The following SLC39A10 variants were observed in gnomAD, a reference collection of about 807,000 sequenced individuals.
SLC39A10 encodes zinc transporter ZIP10.
Under a neutral mutation model 65.1 loss-of-function variants are expected in SLC39A10, and 13 were observed. The ratio of observed to expected loss-of-function variants is 0.20; its 90% confidence interval spans 0.13 to 0.32. The LOEUF is 0.32. Ranked by LOEUF, SLC39A10 falls within the 10% of genes least tolerant of loss-of-function variation. The pLI is 1.00. For missense variants in SLC39A10, 831 were observed against 1,018.4 expected (o/e 0.82, Z 2.50); for synonymous variants, 321 against 342.2 (o/e 0.94, Z 0.68).
intron 3 of SLC39A10, among the ~76,000 whole-genome samples, chr2:195,692,669 A>G (rs1267468669): frequency 1.3e-5 from 2 of 151,796 alleles, no homozygotes; most frequent in East Asian, 3.9e-4. Flanking sequence ...TAGCAGAGCT[A>G]CTGATTAATT....
intron 2 of SLC39A10, among the ~76,000 whole-genome samples, chr2:195,618,810 A>G (rs1688283502): frequency 6.6e-6 from 1 of 152,080 alleles, no homozygotes; most frequent in African/African-American, 2.4e-5. Flanking sequence ...GAAAGGAAAG[A>G]GGTCAGGTGC....
At position 195,641,906 on chromosome 2, in the gene SLC39A10, G is replaced by C. The variant is rs558615484; in HGVS notation, c.-12+35673G>C. ...GGGTTTTCACCATGTTGACCAGCCT[G>C]GTTTTGAACTCCTGACCTCAGATGG... On this transcript the variant is annotated intron_variant, in intron 2 of 2. Transcript: ENST00000458054. Among the ~76,000 whole-genome samples, 13 of 152,182 alleles carry C rather than the reference G, an allele frequency of 8.5e-5. No individual in the cohort carries two copies. In the East Asian group the frequency reaches 2.3e-3, roughly 27 times the overall value.
At position 195,680,331 on chromosome 2, in the gene SLC39A10, G is replaced by C; in HGVS notation, c.289G>C (p.Val97Leu). The change falls in exon 2 of 10, where the codon GTT becomes CTT. Residue 97 changes from valine to leucine, a missense_variant. Physicochemically the swap from Val to Leu is conservative, Grantham distance 32. This residue lies in a region of SLC39A10 where 446 missense variants were observed against 499.2 expected (regional missense o/e 0.89). Transcript: ENST00000359634. ...TNLGLGERKVVEINHEDLGHD... is the reference protein window; with the variant it reads ...TNLGLGERKVLEINHEDLGHD... ...CTTGGGCCTTGGAGAGAGAAAAGTA[G>C]TTGAGATTAATCATGAGGATCTTGG... The C allele has an allele frequency of 6.2e-7, 1 of 1,614,162 alleles. No individual in the cohort carries two copies. The highest frequency in any genetic ancestry group is 8.5e-7 in the Non-Finnish European group (1 of 1,180,028).
chr2:195,670,094 G>C (rs376088064), intron 1 of SLC39A10, among the ~76,000 whole-genome samples: 97 of 152,256 alleles, frequency 6.4e-4, no homozygotes, highest in African/African-American at 2.3e-3. Flanking sequence ...TGGAGCTGGA[G>C]GTTGCAGTGA....
intron 5 of SLC39A10, among the ~76,000 whole-genome samples, chr2:195,712,610 T>C (rs548675720): frequency 6.6e-6 from 1 of 152,220 alleles, no homozygotes; most frequent in Non-Finnish European, 1.5e-5. Flanking sequence ...TTTGCTTTCT[T>C]AAATTAGCAT....
chr2:195,735,107 C>G lies in SLC39A10; in HGVS notation c.*66C>G, dbSNP rs1692550223. On this transcript the variant is annotated 3_prime_UTR_variant, in exon 10 of 10. Coordinates refer to ENST00000359634, the MANE Select transcript of SLC39A10 (RefSeq NM_020342.3). ...TGCAGCTTTGCATCTGTTCCTTGTA[C>G]TGTATGCACATTGCTCAAAGGAAAG... The G allele has an allele frequency of 6.7e-7, 1 of 1,493,354 alleles. No homozygotes were observed. Among genetic ancestry groups the G allele is most frequent in the Non-Finnish European group, 9.0e-7 (1 of 1,112,900 alleles). The allele number at this position is 1,493,354 out of a possible 1,614,324, so 92.5% of individuals were successfully genotyped here.
chr2:195,703,505 G>T (rs1049677463), intron 3 of SLC39A10, among the ~76,000 whole-genome samples: 1 of 151,950 alleles, frequency 6.6e-6, no homozygotes, highest in Non-Finnish European at 1.5e-5. Context: ...TCTTTTGAAG[G>T]TAGTCTTTAA....
At chr2:195,629,944 T>C (rs1688551124) in intron 2 of SLC39A10, among the ~76,000 whole-genome samples, 1 of 151,932 alleles carries the variant, frequency 6.6e-6, no homozygotes, top group Admixed American at 6.6e-5. Flanking sequence ...CCATGTTGGC[T>C]AAGTTGGTCT....
chr2:195,736,726 G>T lies in SLC39A10; in HGVS notation c.*1685G>T, dbSNP rs1174460832. The stretch of plus-strand genomic sequence containing the variant: ...AAAATTATTTCTGACTTACTCCATG[G>T]CCTCCTTATAATAAGTAGAAGTTTT... On this transcript the variant is annotated 3_prime_UTR_variant, in exon 10 of 10. Coordinates refer to ENST00000359634, the MANE Select transcript of SLC39A10 (RefSeq NM_020342.3). 6.6e-6 allele frequency: 1 copy of T among 152,250 alleles called. No individual in the cohort carries two copies. Among genetic ancestry groups the T allele is most frequent in the South Asian group, 2.1e-4 (1 of 4,822 alleles). The allele number at this position is 152,250 out of a possible 1,614,324, so 9.4% of individuals were successfully genotyped here. A position where few individuals can be genotyped will look rare whatever the true frequency, so the allele number is the denominator to read the frequency against.
intron 2 of SLC39A10, among the ~76,000 whole-genome samples, chr2:195,637,300 T>C (rs1688714806): frequency 6.6e-6 from 1 of 152,228 alleles, no homozygotes; most frequent in African/African-American, 2.4e-5. Context: ...GGGGATCAAC[T>C]TGAGTCTCTG....
intron 2 of SLC39A10, among the ~76,000 whole-genome samples, chr2:195,623,398 T>C (rs1007209368): frequency 6.6e-6 from 1 of 152,000 alleles, no homozygotes; most frequent in African/African-American, 2.4e-5. Context: ...CTACCCATCC[T>C]TACGCCGTGT....
At chr2:195,657,314 C>T (rs1023829713) in intron 1 of SLC39A10, 33 bp downstream of exon 1, 3 of 889,868 alleles carry the variant, frequency 3.4e-6, no homozygotes, top group Admixed American at 6.2e-5. Flanking sequence ...TTTACATTCC[C>T]TCCCCCAGAA....
chr2:195,668,230 T>G (rs888107032), intron 1 of SLC39A10, among the ~76,000 whole-genome samples: 1 of 152,238 alleles, frequency 6.6e-6, no homozygotes, highest in African/African-American at 2.4e-5. Flanking sequence ...AGCCATTCAG[T>G]CATATAGATA....
chr2:195,627,269 AC>A (rs34513145), intron 2 of SLC39A10, among the ~76,000 whole-genome samples: 2 of 151,914 alleles, frequency 1.3e-5, no homozygotes, highest in Admixed American at 6.6e-5. Context: ...ACAAAATGAC[AC>A]CCCCACCCCG....
intron 3 of SLC39A10, among the ~76,000 whole-genome samples, chr2:195,693,691 T>A (rs985977673): frequency 4.6e-5 from 7 of 152,342 alleles, no homozygotes; most frequent in African/African-American, 1.7e-4. Flanking sequence ...GGATCTTCTC[T>A]CTTCTTAGTT....
rs1226311366 is a variant in SLC39A10, at chr2:195,683,685, C to T, written c.1009-14C>T. The T allele has an allele frequency of 6.2e-7, 1 of 1,601,466 alleles. No homozygotes were observed. The highest frequency in any genetic ancestry group is 2.2e-5 in the East Asian group (1 of 44,714). On this transcript the variant is annotated splice_polypyrimidine_tract_variant and intron_variant, in intron 2 of 9. Coordinates refer to ENST00000359634, the MANE Select transcript of SLC39A10 (RefSeq NM_020342.3). ...GACACTCTTATTTAATTTGTTTTATCACTTTCCTTGCAGTGTTTGAACGTC... is the reference window on the plus strand; with the variant it reads ...GACACTCTTATTTAATTTGTTTTATTACTTTCCTTGCAGTGTTTGAACGTC...
intron 3 of SLC39A10, among the ~76,000 whole-genome samples, chr2:195,705,825 A>G (rs1434446495): frequency 2.6e-5 from 4 of 152,182 alleles, no homozygotes; most frequent in Admixed American, 2.6e-4. Flanking sequence ...CCACTGGCAT[A>G]TATTTCTGAT....
chr2:195,667,950 A>G (rs992637234), intron 1 of SLC39A10, among the ~76,000 whole-genome samples: 1 of 152,254 alleles, frequency 6.6e-6, no homozygotes, highest in Admixed American at 6.5e-5. Flanking sequence ...TTTTGTTCTT[A>G]TAGTTACCAT....
In SLC39A10 at chr2:195,680,437, A is replaced by G. The variant is rs750838556; in HGVS notation, c.395A>G (p.His132Arg). 1.3e-5 allele frequency: 21 copies of G among 1,614,040 alleles called. No individual in the cohort carries two copies. Among genetic ancestry groups the G allele is most frequent in the African/African-American group, 2.7e-5 (2 of 74,916 alleles). ...HFHSHNHQHS[H>R]NHLNSENQTV... is the part of the protein sequence containing the mutation. ...CACTCACATAACCACCAGCATTCCC[A>G]TAATCATTTAAATTCAGAAAATCAA... The change falls in exon 2 of 10, where the codon CAT becomes CGT. Residue 132 changes from histidine (H) to arginine (R), a missense_variant. This residue lies in a region of SLC39A10 where 446 missense variants were observed against 499.2 expected (regional missense o/e 0.89). Coordinates refer to ENST00000359634, the MANE Select transcript of SLC39A10 (RefSeq NM_020342.3).
Sources: gnomAD v4.1 joint callset for allele counts (sites outside exome capture counted in the v4.1 genomes callset) on GRCh38, gnomAD v4.1.1 for gene constraint, gnomAD v4.1.1 regional missense constraint, MANE v1.5 for transcripts, NCBI Gene and HGNC (gene_info 2026-07-23, HGNC 2026-07-21) for gene names.